Variants in P3H2 observed in about 807,000 individuals in gnomAD.
P3H2 encodes the protein prolyl 3-hydroxylase 2, also known as leprecan-like 1.
In P3H2, 80 loss-of-function variants were observed where a neutral mutation model predicts 87.0. The ratio of observed to expected loss-of-function variants is 0.92; its 90% confidence interval spans 0.77 to 1.11. P3H2 has a LOEUF of 1.11. P3H2 is among the 50% of genes least tolerant of loss of function. P3H2 has a pLI of 0.00. For missense variants in P3H2, 1,001 were observed against 923.9 expected, an observed-to-expected ratio of 1.08 and a Z score of -1.08; for synonymous variants, 367 against 359.3, an observed-to-expected ratio of 1.02 and a Z score of -0.24.
At chr3:189,979,583 C>A (rs1401362884) in intron 8 of P3H2, among the ~76,000 whole-genome samples, 2 of 152,046 alleles carry the variant, frequency 1.3e-5, no homozygotes, top group Non-Finnish European at 2.9e-5. Context: ...AGAGACTAAG[C>A]CTCCTGATTC....
At chr3:190,008,244 C>T (rs192937530) in intron 1 of P3H2, among the ~76,000 whole-genome samples, 1 of 152,072 alleles carries the variant, frequency 6.6e-6, no homozygotes, top group East Asian at 1.9e-4. Context: ...GTGCCTGAGA[C>T]TAAGTGGACA....
chr3:190,042,854 AT>A (rs1380822126), intron 1 of P3H2, among the ~76,000 whole-genome samples: 1 of 152,154 alleles, frequency 6.6e-6, no homozygotes, highest in East Asian at 1.9e-4. Flanking sequence ...AGCCCTTAAC[AT>A]TTTTTTTCAC....
At chr3:189,961,734 C>A (rs923393712) in intron 14 of P3H2, among the ~76,000 whole-genome samples, 1 of 152,174 alleles carries the variant, frequency 6.6e-6, no homozygotes, top group African/African-American at 2.4e-5. Flanking sequence ...CACTAGATGC[C>A]GCTACGGCCT....
chr3:190,068,209 T>C (rs1386416913), intron 1 of P3H2, among the ~76,000 whole-genome samples: 1 of 152,208 alleles, frequency 6.6e-6, no homozygotes, highest in Non-Finnish European at 1.5e-5. Context: ...GAGAATACAT[T>C]GTTAGCAAAC....
At chr3:190,087,946 G>GTT (rs567835227) in intron 1 of P3H2, among the ~76,000 whole-genome samples, 6 of 152,266 alleles carry the variant, frequency 3.9e-5, no homozygotes, top group Middle Eastern at 3.4e-3. Context: ...TGGTCCAAGT[G>GTT]TTCAACAAGT....
At chr3:190,106,487 C>G (rs1560403925) in intron 1 of P3H2, among the ~76,000 whole-genome samples, 1 of 151,856 alleles carries the variant, frequency 6.6e-6, no homozygotes, top group Non-Finnish European at 1.5e-5. Context: ...ATTCTTTTGC[C>G]CTTTATATTC....
At chr3:190,075,180 T>C (rs1008631684) in intron 1 of P3H2, among the ~76,000 whole-genome samples, 2 of 152,162 alleles carry the variant, frequency 1.3e-5, no homozygotes, top group African/African-American at 4.8e-5. Flanking sequence ...ATAACTGTCA[T>C]GCAAAGTAGA....
intron 1 of P3H2, among the ~76,000 whole-genome samples, chr3:190,110,732 C>G (rs1390354633): frequency 6.6e-6 from 1 of 152,156 alleles, no homozygotes; most frequent in East Asian, 1.9e-4. Flanking sequence ...GTGTCAATTT[C>G]TCTGTGCAAA....
At chr3:189,961,187 C>T (rs984903100) in intron 14 of P3H2, among the ~76,000 whole-genome samples, 2 of 152,088 alleles carry the variant, frequency 1.3e-5, no homozygotes, top group African/African-American at 2.4e-5. Context: ...GTGATCTGCC[C>T]GCCTCGGCCT....
chr3:190,065,206 G>T (rs1265368186), intron 1 of P3H2, among the ~76,000 whole-genome samples: 4 of 152,126 alleles, frequency 2.6e-5, no homozygotes, highest in African/African-American at 4.8e-5. Flanking sequence ...AGACAATATT[G>T]TTCAGTCCTT....
At position 190,007,959 on chromosome 3, in the gene P3H2, G is replaced by GACACACAC. The variant is rs371622835; in HGVS notation, c.481-12518_481-12517insGTGTGTGT. Among the ~76,000 whole-genome samples, 537 of 100,662 alleles carry GACACACAC rather than the reference G, an allele frequency of 5.3e-3. 30 individuals carry two copies. The highest frequency in any genetic ancestry group is 0.019 in the African/African-American group (506 of 26,274). 66.0% of individuals were successfully genotyped at this position (100,662 alleles called of 152,430 possible). A position where few individuals can be genotyped will look rare whatever the true frequency, so the allele number is the denominator to read the frequency against. ...TCAGCTGCCTGAGACTCTATTTGTT[G>GACACACAC]ACACACATATATATATATATATATA... On this transcript the variant is annotated intron_variant, in intron 1 of 14. Transcript: ENST00000319332.
chr3:190,119,860 T>C (rs1421833699), intron 1 of P3H2, among the ~76,000 whole-genome samples: 1 of 149,284 alleles, frequency 6.7e-6, no homozygotes, highest in African/African-American at 2.5e-5. Flanking sequence ...ACAAAAGAAA[T>C]GGGAAGTGAG....
chr3:190,044,519 T>C (rs1311175963), intron 1 of P3H2, among the ~76,000 whole-genome samples: 1 of 152,212 alleles, frequency 6.6e-6, no homozygotes, highest in Non-Finnish European at 1.5e-5. Flanking sequence ...CATTGATATA[T>C]GCTGTTCCAC....
At chr3:190,037,264 C>CAGA (rs1725454956) in intron 1 of P3H2, among the ~76,000 whole-genome samples, 1 of 151,622 alleles carries the variant, frequency 6.6e-6, no homozygotes, top group Non-Finnish European at 1.5e-5. Context: ...CACTGCCTTC[C>CAGA]CTAAAAGGAG....
At chr3:189,981,805 A>G (rs1317683432) in intron 8 of P3H2, among the ~76,000 whole-genome samples, 1 of 152,206 alleles carries the variant, frequency 6.6e-6, no homozygotes, top group East Asian at 1.9e-4. Flanking sequence ...TTCTCAGCCT[A>G]AAAGGCAACA....
intron 1 of P3H2, among the ~76,000 whole-genome samples, chr3:190,066,661 C>T (rs901255330): frequency 6.6e-6 from 1 of 151,990 alleles, no homozygotes; most frequent in Admixed American, 6.6e-5. Context: ...AAAAAGAATG[C>T]AATATAAAAA....
chr3:190,005,148 A>G (rs1724348092), intron 1 of P3H2, among the ~76,000 whole-genome samples: 2 of 152,220 alleles, frequency 1.3e-5, no homozygotes, highest in Admixed American at 1.3e-4. Context: ...GCTTAATGCA[A>G]GCCTGGGAAT....
chr3:189,996,762 C>T (rs1724063879), intron 1 of P3H2, among the ~76,000 whole-genome samples: 1 of 151,980 alleles, frequency 6.6e-6, no homozygotes, highest in African/African-American at 2.4e-5. Flanking sequence ...AAAAATAAGA[C>T]AAAACTTTTA....
In P3H2 at chr3:190,020,704, T is replaced by C. The variant is rs1181881828; in HGVS notation, c.481-25262A>G. 6.7e-5 allele frequency among the ~76,000 whole-genome samples: 9 copies of C among 133,628 alleles called. 1 individual carries two copies. Among genetic ancestry groups the C allele is most frequent in the African/African-American group, 2.3e-4 (9 of 38,636 alleles). The allele number at this position is 133,628 out of a possible 152,430, so 87.7% of individuals were successfully genotyped here. A position where few individuals can be genotyped will look rare whatever the true frequency, so the allele number is the denominator to read the frequency against. ...AGCCCATCCAGGGGTGTGGTGATTT[T>C]TCCTATGCATGGTCTGGCTGGGCGG... On this transcript the variant is annotated intron_variant, in intron 1 of 14. Coordinates refer to ENST00000319332, the MANE Select transcript of P3H2 (RefSeq NM_018192.4).
Sources: gnomAD v4.1 joint callset for allele counts (sites outside exome capture counted in the v4.1 genomes callset) on GRCh38, gnomAD v4.1.1 for gene constraint, MANE v1.5 for transcripts, NCBI Gene and HGNC (gene_info 2026-07-23, HGNC 2026-07-21) for gene names.